PDE4D: variants seen among roughly 807,000 people sequenced by gnomAD.
The protein encoded by PDE4D is 3',5'-cyclic-AMP phosphodiesterase 4D.
A neutral mutation model predicts 87.4 loss-of-function variants in PDE4D; 24 were observed. That is an observed-to-expected ratio of 0.27 (90% CI 0.20 to 0.39). The LOEUF (loss-of-function observed/expected upper bound fraction) is 0.39, where lower values mean the gene tolerates loss of function less well. PDE4D is among the 10% of genes least tolerant of loss of function. The pLI, the probability that PDE4D is intolerant of heterozygous loss-of-function variation, is 1.00. For missense variants in PDE4D, 714 were observed against 1,041.0 expected, an observed-to-expected ratio of 0.69 and a Z score of 4.32; for synonymous variants, 384 against 383.2, an observed-to-expected ratio of 1.00 and a Z score of -0.02.
chr5:59,030,210 C>G (rs1352954577), intron 6 of PDE4D, among the ~76,000 whole-genome samples: 1 of 151,870 alleles, frequency 6.6e-6, no homozygotes, highest in Non-Finnish European at 1.5e-5. Flanking sequence ...TAAAAAGTAC[C>G]TGCACAAGCA....
chr5:59,184,873 C>G (rs139393877), intron 4 of PDE4D, among the ~76,000 whole-genome samples: 33 of 152,206 alleles, frequency 2.2e-4, no homozygotes, highest in African/African-American at 7.0e-4. Context: ...ATTATTCACC[C>G]ACGGTTAATT....
chr5:59,003,779 C>T (rs905250925), intron 6 of PDE4D, among the ~76,000 whole-genome samples: 7 of 151,954 alleles, frequency 4.6e-5, no homozygotes, highest in African/African-American at 1.5e-4. Flanking sequence ...AGGAAACAAG[C>T]CATGTGGATT....
intron 1 of PDE4D, among the ~76,000 whole-genome samples, chr5:59,848,337 T>C (rs1321586154): frequency 6.6e-6 from 1 of 152,076 alleles, no homozygotes; most frequent in Admixed American, 6.6e-5. Flanking sequence ...ACAACTCACC[T>C]GTTTCATTGT....
chr5:60,309,206 G>C (rs1337595245), intron 1 of PDE4D, among the ~76,000 whole-genome samples: 1 of 152,058 alleles, frequency 6.6e-6, no homozygotes, highest in Non-Finnish European at 1.5e-5. Flanking sequence ...CTGAAAGACA[G>C]TCTGGGGACA....
At chr5:60,141,157 T>C (rs1442988983) in intron 2 of PDE4D, among the ~76,000 whole-genome samples, 1 of 152,194 alleles carries the variant, frequency 6.6e-6, no homozygotes, top group Non-Finnish European at 1.5e-5. Context: ...AAAGAGAGAC[T>C]GGAATCAATG....
intron 5 of PDE4D, among the ~76,000 whole-genome samples, chr5:59,047,573 G>A (rs576974690): frequency 6.4e-4 from 97 of 152,336 alleles, no homozygotes; most frequent in South Asian, 1.2e-3. Context: ...CAGTTAAGAG[G>A]TTGGTGACCA....
rs542995176 is a variant in PDE4D, at chr5:59,849,450, G to A, written c.455+43718C>T. Reference sequence around the variant, plus strand: ...AAAGAAAAGGAGATCATGTAGAAATGTGCTCTGTGTTCATGAAATTCATTG... The same window carrying A: ...AAAGAAAAGGAGATCATGTAGAAATATGCTCTGTGTTCATGAAATTCATTG... On this transcript the variant is annotated intron_variant, in intron 1 of 14. Coordinates refer to ENST00000340635, the MANE Select transcript of PDE4D (RefSeq NM_001104631.2). 2.0e-5 allele frequency among the ~76,000 whole-genome samples: 3 copies of A among 152,048 alleles called. No homozygotes were observed. The South Asian group carries it at 6.2e-4, about 32-fold the overall frequency.
At chr5:59,875,460 C>CAAAAAAAAAAAAAAAAAAAAAA (rs3062667) in intron 1 of PDE4D, among the ~76,000 whole-genome samples, 1 of 39,694 alleles carries the variant, frequency 2.5e-5, no homozygotes, top group African/African-American at 1.0e-4. Context: ...ACCTCCGTCT[C>CAAAAAAAAAAAAAAAAAAAAAA]AAAAAAAAAA....
At chr5:60,182,952 T>C (rs1784493268) in intron 2 of PDE4D, among the ~76,000 whole-genome samples, 1 of 152,056 alleles carries the variant, frequency 6.6e-6, no homozygotes, top group Non-Finnish European at 1.5e-5. Context: ...AATACATTTG[T>C]TGAAGCCCTA....
chr5:59,369,960 T>C (rs1160121487), intron 1 of PDE4D, among the ~76,000 whole-genome samples: 1 of 152,196 alleles, frequency 6.6e-6, no homozygotes, highest in African/African-American at 2.4e-5. Flanking sequence ...ACATTTCCAA[T>C]TTGTTCAGGC....
At chr5:59,179,481 T>C (rs1029686287) in intron 5 of PDE4D, among the ~76,000 whole-genome samples, 1 of 152,210 alleles carries the variant, frequency 6.6e-6, no homozygotes, top group African/African-American at 2.4e-5. Context: ...TTGGAAGTCA[T>C]CACCAATAAT....
intron 1 of PDE4D, among the ~76,000 whole-genome samples, chr5:60,415,632 C>T (rs913855782): frequency 1.3e-5 from 2 of 152,250 alleles, no homozygotes; most frequent in African/African-American, 4.8e-5. Context: ...TCTCACCAGG[C>T]CTTAGTTGCC....
rs910741210 is a variant in PDE4D at position 60,128,133 on chromosome 5, T to G, written c.42+57424A>C. On this transcript the variant is annotated intron_variant, in intron 2 of 16. Coordinates refer to the PDE4D transcript ENST00000502484. ...AGATCTGCAATAAGGCATATTAAAC[T>G]CCTGAGATTGGGATAACTTATCCAA... 6.6e-5 allele frequency among the ~76,000 whole-genome samples: 10 copies of G among 152,168 alleles called. No individual in the cohort carries two copies. In the South Asian group the frequency reaches 1.2e-3, roughly 19 times the overall value.
At chr5:59,724,200 T>C (rs747330608) in intron 1 of PDE4D, among the ~76,000 whole-genome samples, 4 of 152,078 alleles carry the variant, frequency 2.6e-5, no homozygotes, top group Non-Finnish European at 5.9e-5. Flanking sequence ...TACAATAACC[T>C]AGGTATGAAG....
chr5:59,854,325 A>T (rs1261153285), intron 1 of PDE4D, among the ~76,000 whole-genome samples: 2 of 152,076 alleles, frequency 1.3e-5, no homozygotes, highest in African/African-American at 4.8e-5. Flanking sequence ...ATCTATTGAA[A>T]ATCATTACAT....
At chr5:60,094,244 A>G (rs143327849) in intron 2 of PDE4D, among the ~76,000 whole-genome samples, 2 of 152,306 alleles carry the variant, frequency 1.3e-5, no homozygotes, top group Non-Finnish European at 2.9e-5. Flanking sequence ...ACAGTGAGTG[A>G]TTAAAGTCAC....
intron 1 of PDE4D, among the ~76,000 whole-genome samples, chr5:59,263,632 TTAAG>T (rs1307562586): frequency 7.9e-5 from 12 of 151,986 alleles, no homozygotes; most frequent in African/African-American, 1.7e-4. Context: ...TTACCTATAC[TTAAG>T]TGAGAATGAA....
At chr5:60,009,644 AC>A (rs1764823746) in intron 2 of PDE4D, among the ~76,000 whole-genome samples, 1 of 152,130 alleles carries the variant, frequency 6.6e-6, no homozygotes, top group Non-Finnish European at 1.5e-5. Flanking sequence ...ATACAAAAGG[AC>A]AGTTTGCAAA....
At chr5:60,463,757 G>A (rs965423707) in intron 1 of PDE4D, among the ~76,000 whole-genome samples, 1 of 152,112 alleles carries the variant, frequency 6.6e-6, no homozygotes, top group Non-Finnish European at 1.5e-5. Flanking sequence ...CAACACCATG[G>A]AGACAAGGCC....
Sources: gnomAD v4.1 joint callset for allele counts (sites outside exome capture counted in the v4.1 genomes callset) on GRCh38, gnomAD v4.1.1 for gene constraint, MANE v1.5 for transcripts, NCBI Gene and HGNC (gene_info 2026-07-23, HGNC 2026-07-21) for gene names.